ARID4A: variants seen among roughly 807,000 people sequenced by gnomAD.
ARID4A encodes AT-rich interactive domain-containing protein 4A.
A neutral mutation model predicts 148.6 loss-of-function variants in ARID4A; 39 were observed. The observed-to-expected ratio is 0.26, with a 90% confidence interval of 0.20 to 0.34. The LOEUF (loss-of-function observed/expected upper bound fraction) is 0.34, where lower values mean the gene tolerates loss of function less well. Among genes scored for constraint, ARID4A ranks in the 10% least tolerant of loss-of-function variants. The pLI, the probability that ARID4A is intolerant of heterozygous loss-of-function variation, is 1.00. For missense variants in ARID4A, 1,265 were observed against 1,449.1 expected, an observed-to-expected ratio of 0.87 and a Z score of 2.06; for synonymous variants, 475 against 481.2, an observed-to-expected ratio of 0.99 and a Z score of 0.17.
chr14:58,304,854 C>A, intron 3 of ARID4A, 90 bp from the exon 4 acceptor site: 1 of 1,102,632 alleles, frequency 9.1e-7, no homozygotes, highest in Non-Finnish European at 1.4e-6. Context: ...GCTAAGAAAG[C>A]ATAAATTAAA....
rs549374617 is a variant in ARID4A, at chr14:58,327,012, A to G, written c.583-1225A>G. ...TTACTGGCACCAAGCAAACAAACAA[A>G]TACTTCCATCTGGTGTTAAGACAGC... On this transcript the variant is annotated intron_variant, in intron 8 of 23. Transcript: ENST00000355431. 2.0e-5 allele frequency among the ~76,000 whole-genome samples: 3 copies of G among 152,350 alleles called. No individual in the cohort carries two copies. The South Asian group carries it at 6.2e-4, about 32-fold the overall frequency.
rs1370640231 is a variant in ARID4A, at chr14:58,299,598, G to A, written c.-57-200G>A. 6 of 569,978 alleles carry A rather than the reference G, an allele frequency of 1.1e-5. No individual in the cohort carries two copies. In the East Asian group the frequency reaches 1.7e-4, roughly 17 times the overall value. 35.3% of individuals were successfully genotyped at this position (569,978 alleles called of 1,614,324 possible). On this transcript the variant is annotated intron_variant, in intron 1 of 23. Coordinates refer to ENST00000355431, the MANE Select transcript of ARID4A (RefSeq NM_002892.4). ...GTGGGCCGCTGGCGAGCTCCGGGGCGGAACGGGCTGCCCTTTGGCGCTCGT... is the reference window on the plus strand; with the variant it reads ...GTGGGCCGCTGGCGAGCTCCGGGGCAGAACGGGCTGCCCTTTGGCGCTCGT...
intron 1 of ARID4A, 147 bp from the exon 2 acceptor site, chr14:58,299,651 G>C (rs1230164458): frequency 1.2e-5 from 8 of 649,730 alleles, no homozygotes; most frequent in Non-Finnish European, 1.9e-5. Context: ...CTCAGCTCCT[G>C]CGTCCTGGCT....
intron 21 of ARID4A, 148 bp downstream of exon 21, chr14:58,365,770 A>T (rs532437829): frequency 2.4e-5 from 19 of 777,872 alleles, no homozygotes; most frequent in Non-Finnish European, 3.2e-5. Context: ...TGCCATTTTT[A>T]TTCTTAGGAA....
At chr14:58,316,141 A>G (rs962984614) in intron 5 of ARID4A, among the ~76,000 whole-genome samples, 4 of 152,252 alleles carry the variant, frequency 2.6e-5, no homozygotes, top group Non-Finnish European at 5.9e-5. Flanking sequence ...TCAGGATTAT[A>G]ATTTCATAGG....
intron 17 of ARID4A, among the ~76,000 whole-genome samples, chr14:58,356,922 G>A (rs1290146902): frequency 6.6e-6 from 1 of 152,042 alleles, no homozygotes; most frequent in Admixed American, 6.6e-5. Context: ...GGATGGTCTC[G>A]ATTTCTTGAC....
Position 58,351,312 on chromosome 14 carries a change from A to G in ARID4A, c.1644A>G (p.Lys548=), listed in dbSNP as rs866700760. 6 of 1,598,912 alleles carry G rather than the reference A, an allele frequency of 3.8e-6. No individual in the cohort carries two copies. Among genetic ancestry groups the G allele is most frequent in the Non-Finnish European group, 4.2e-6 (5 of 1,176,504 alleles). The part of the protein sequence containing the change: ...SDKDSDEEEE[K]SQEREETESK... ...AAGACTCAGATGAAGAGGAAGAGAA[A>G]AGCCAAGAGAGGTACATTATCTTAT... Residue 548 remains lysine (K), a synonymous_variant, in exon 16 of 24, where the codon AAA becomes AAG. Coordinates refer to ENST00000355431, the MANE Select transcript of ARID4A (RefSeq NM_002892.4).
At chr14:58,314,617 C>T (rs59933113) in intron 5 of ARID4A, among the ~76,000 whole-genome samples, 2,432 of 151,738 alleles carry the variant, frequency 0.016, 63 homozygotes, top group African/African-American at 0.056. Flanking sequence ...TTTGTAAAGA[C>T]GGGGTCTCGC....
intron 5 of ARID4A, among the ~76,000 whole-genome samples, chr14:58,317,703 C>G (rs2032558545): frequency 7.8e-6 from 1 of 128,480 alleles, no homozygotes; most frequent in African/African-American, 3.0e-5. Context: ...GCTCACTAAC[C>G]ATGGTTGAGC....
At chr14:58,320,676 C>T (rs1329573794) in intron 7 of ARID4A, among the ~76,000 whole-genome samples, 5 of 149,658 alleles carry the variant, frequency 3.3e-5, no homozygotes, top group African/African-American at 4.9e-5. Context: ...GGCTGGATCT[C>T]GGCTCACTGC....
intron 5 of ARID4A, among the ~76,000 whole-genome samples, chr14:58,310,667 A>G (rs925924424): frequency 6.6e-6 from 1 of 152,068 alleles, no homozygotes; most frequent in African/African-American, 2.4e-5. Context: ...TCAAACCACT[A>G]GAAGAAAACA....
rs190684269 is a variant in ARID4A, at chr14:58,323,951, T to C, written c.582+334T>C. 7.7e-3 allele frequency among the ~76,000 whole-genome samples: 1,076 copies of C among 140,496 alleles called. 41 individuals are homozygous for C. Among genetic ancestry groups the C allele is most frequent in the Admixed American group, 0.065 (859 of 13,294 alleles). The allele number at this position is 140,496 out of a possible 152,430, so 92.2% of individuals were successfully genotyped here. A position where few individuals can be genotyped will look rare whatever the true frequency, so the allele number is the denominator to read the frequency against. The stretch of plus-strand genomic sequence containing the variant: ...ATGGAGTCTCGCTCTGTCGCCCAGG[T>C]TGGAGTGCAGTGGCGCGATCTCGGC... On this transcript the variant is annotated intron_variant, in intron 8 of 23. Transcript: ENST00000355431.
rs145690022 is a variant in ARID4A, at chr14:58,309,172, G to A, written c.274+3060G>A. On this transcript the variant is annotated intron_variant, in intron 5 of 23. Transcript: ENST00000355431. ...GCTCTGTTGCCCAGGCTTTTGTTCA[G>A]TAGCACTATTGTAGCTTCCTGCAGC... Among the ~76,000 whole-genome samples, 147 of 152,274 alleles carry A rather than the reference G, an allele frequency of 9.7e-4. 1 individual carries two copies. The highest frequency in any genetic ancestry group is 9.7e-4 in the Non-Finnish European group (66 of 68,020).
chr14:58,299,763 A>AT, intron 1 of ARID4A, 35 bp from the exon 2 acceptor site: 1 of 1,576,196 alleles, frequency 6.3e-7, no homozygotes, highest in Non-Finnish European at 8.7e-7. Flanking sequence ...CAGTTGACTG[A>AT]TTATGTCTGT....
At chr14:58,304,234 A>G (rs1374106057) in intron 3 of ARID4A, among the ~76,000 whole-genome samples, 1 of 152,176 alleles carries the variant, frequency 6.6e-6, no homozygotes, top group Non-Finnish European at 1.5e-5. Context: ...CAGTGTTTTT[A>G]TCATGTCAGC....
At chr14:58,317,623 TC>T (rs2032545069) in intron 5 of ARID4A, among the ~76,000 whole-genome samples, 1 of 108,136 alleles carries the variant, frequency 9.2e-6, no homozygotes, top group Non-Finnish European at 1.9e-5. Flanking sequence ...TTTATATTTG[TC>T]TTTTTTTTTT....
Position 58,301,563 on chromosome 14 carries a change from T to C in ARID4A, c.7-17T>C, listed in dbSNP as rs767562896. 27 of 1,595,438 alleles carry C rather than the reference T, an allele frequency of 1.7e-5. No individual in the cohort carries two copies. The highest frequency in any genetic ancestry group is 2.1e-5 in the Non-Finnish European group (25 of 1,163,842). ...GGCATAGTAATGACATTCACAGTTT[T>C]ATGTTCCTTTCACCAGGCGGCAGAT... On this transcript the variant is annotated splice_polypyrimidine_tract_variant and intron_variant, in intron 2 of 23. Coordinates refer to ENST00000355431, the MANE Select transcript of ARID4A (RefSeq NM_002892.4).
chr14:58,317,812 T>C (rs1418785110), intron 5 of ARID4A, among the ~76,000 whole-genome samples: 2 of 151,772 alleles, frequency 1.3e-5, no homozygotes, highest in Admixed American at 6.6e-5. Context: ...AACTTTTATC[T>C]TTCTGTTTCC....
At chr14:58,317,047 G>T (rs1248655281) in intron 5 of ARID4A, among the ~76,000 whole-genome samples, 1 of 150,298 alleles carries the variant, frequency 6.7e-6, no homozygotes, top group Non-Finnish European at 1.5e-5. Flanking sequence ...AAAAATATTA[G>T]CCGGGCGTGG....
Sources: gnomAD v4.1 joint callset for allele counts (sites outside exome capture counted in the v4.1 genomes callset) on GRCh38, gnomAD v4.1.1 for gene constraint, MANE v1.5 for transcripts, NCBI Gene and HGNC (gene_info 2026-07-23, HGNC 2026-07-21) for gene names.